CRAMP1: variants seen among roughly 807,000 people sequenced by gnomAD.
The protein encoded by CRAMP1 is protein cramped-like.
Under a neutral mutation model 115.4 loss-of-function variants are expected in CRAMP1, and 50 were observed. The observed-to-expected ratio is 0.43, with a 90% CI of 0.35 to 0.55. The LOEUF is 0.55. CRAMP1 is among the 20% of genes least tolerant of loss of function. CRAMP1 has a pLI of 0.01. For missense variants in CRAMP1, 1,679 were observed against 1,721.7 expected (o/e 0.98, Z 0.44); for synonymous variants, 866 against 745.4 (o/e 1.16, Z -2.64).
Position 1,670,726 on chromosome 16 carries a change from G to A in CRAMP1, c.3562G>A (p.Gly1188Ser), listed in dbSNP as rs1268568834. The change falls in exon 20 of 21, where the codon GGC (glycine) becomes AGC (serine). Residue 1188 changes from glycine (G) to serine (S), a missense_variant. Around this residue, in one of 8 missense-constraint regions of CRAMP1, gnomAD observed 709 missense variants for 741.9 expected, o/e 0.96. Transcript: ENST00000397412. ...GCCGACTCCCATTGGGACCAACAGT[G>A]GCACTTCCTTGCTTGGCCCCAGCTT... ...MLPTPIGTNS[G>S]TSLLGPSLLD... 1 of 1,613,994 alleles carries A rather than the reference G, an allele frequency of 6.2e-7. No homozygotes were observed. Among genetic ancestry groups the A allele is most frequent in the South Asian group, 1.1e-5 (1 of 91,084 alleles).
Position 1,656,229 on chromosome 16 carries a change from C to G in CRAMP1, c.1472C>G (p.Pro491Arg). The G allele has an allele frequency of 6.2e-7, 1 of 1,607,756 alleles. No homozygotes were observed. Among genetic ancestry groups the G allele is most frequent in the South Asian group, 1.1e-5 (1 of 90,868 alleles). ...DALQSSGESSPESAPGEGAAL... is the reference protein window; with the variant it reads ...DALQSSGESSRESAPGEGAAL... ...TTGCAGAGCTCCGGAGAGAGTTCCC[C>G]CGAAAGCGCCCCCGGGGAGGGGGCT... The change falls in exon 10 of 21, where the codon CCC (proline) becomes CGC (arginine). Residue 491 changes from proline to arginine, a missense_variant. By Grantham distance (103) the Pro-to-Arg change is moderately radical. Transcript: ENST00000397412. The surrounding 1 kb of genome is among the most constrained non-coding windows in gnomAD (Gnocchi z 5.6).
At chr16:1,618,682 A>G (rs1190679819) in intron 2 of CRAMP1, among the ~76,000 whole-genome samples, 1 of 152,210 alleles carries the variant, frequency 6.6e-6, no homozygotes, top group Non-Finnish European at 1.5e-5. Context: ...TATATTTTGT[A>G]TAATCTGTGG....
chr16:1,669,284 T>G lies in CRAMP1; in HGVS notation c.3499+119T>G, dbSNP rs2036902557. On this transcript the variant is annotated intron_variant, in intron 19 of 20. Transcript: ENST00000397412. This position sits in a 1 kb window ranked among gnomAD's most constrained non-coding sequence, Gnocchi z 4.6. ...CTAGGACTGTTGGCTTGTTCGCTTC[T>G]CAAGTGTTTGTATTTTTCTGAGTTA... 9 of 765,032 alleles carry G rather than the reference T, an allele frequency of 1.2e-5. No individual in the cohort carries two copies. Among genetic ancestry groups the G allele is most frequent in the African/African-American group, 1.8e-5 (1 of 55,174 alleles). The allele number at this position is 765,032 out of a possible 1,614,324, so 47.4% of individuals were successfully genotyped here.
chr16:1,621,291 G>A (rs1009457882), intron 2 of CRAMP1, among the ~76,000 whole-genome samples: 1 of 152,262 alleles, frequency 6.6e-6, no homozygotes, highest in Non-Finnish European at 1.5e-5. Flanking sequence ...GCTAGGTAGA[G>A]GGGCCAGCAG....
At position 1,656,297 on chromosome 16, in the gene CRAMP1, C is replaced by T. The variant is rs1439886053; in HGVS notation, c.1540C>T (p.Pro514Ser). 6.2e-7 allele frequency: 1 copy of T among 1,611,982 alleles called. No homozygotes were observed. Among genetic ancestry groups the T allele is most frequent in the Non-Finnish European group, 8.5e-7 (1 of 1,179,646 alleles). Residue 514 changes from proline (P) to serine (S), a missense_variant, in exon 10 of 21, where the codon CCC becomes TCC. Transcript: ENST00000397412. This position sits in a 1 kb window ranked among gnomAD's most constrained non-coding sequence, Gnocchi z 5.6. ...SSPDAPDRPP[P>S]RHQDTGPCLE... ...CCCGGACGCTCCTGACAGGCCTCCT[C>T]CCAGGCACCAGGACACTGGGCCATG...
intron 3 of CRAMP1, among the ~76,000 whole-genome samples, chr16:1,631,218 GT>G (rs778582151): frequency 5.9e-5 from 9 of 152,206 alleles, no homozygotes; most frequent in Admixed American, 1.3e-4. Context: ...CAGTTATTCT[GT>G]TACCTACACC....
In CRAMP1 at chr16:1,629,667, C is replaced by T. The variant is rs998638168; in HGVS notation, c.541-2545C>T. On this transcript the variant is annotated intron_variant, in intron 3 of 20. Transcript: ENST00000397412. ...TGCAGAGGCCGTCAAGTTGCTTCATCGTGGTTCTTGCCGAGGCCCAGGGAG... is the reference window on the plus strand; with the variant it reads ...TGCAGAGGCCGTCAAGTTGCTTCATTGTGGTTCTTGCCGAGGCCCAGGGAG... Among the ~76,000 whole-genome samples the T allele has an allele frequency of 3.3e-5, 5 of 152,184 alleles. No homozygotes were observed. In the East Asian group the frequency reaches 5.8e-4, roughly 18 times the overall value.
chr16:1,665,890 C>T (rs2076417), intron 14 of CRAMP1, 183 bp from the exon 15 acceptor site: 79,103 of 589,206 alleles, frequency 0.13, 7,699 homozygotes, highest in African/African-American at 0.31. Context: ...GCTTGTGTCA[C>T]GTTGGGGGCC....
chr16:1,622,405 C>T (rs952802155), intron 2 of CRAMP1, among the ~76,000 whole-genome samples: 3 of 152,100 alleles, frequency 2.0e-5, no homozygotes, highest in South Asian at 2.1e-4. Context: ...CCCAGCTACT[C>T]GAGAGGCTGG....
chr16:1,619,481 C>T (rs2036448654), intron 2 of CRAMP1, among the ~76,000 whole-genome samples: 1 of 152,136 alleles, frequency 6.6e-6, no homozygotes. Context: ...GCGCCCGGCA[C>T]AACAGCGTTT....
At chr16:1,660,930 A>G (rs2036823504) in intron 11 of CRAMP1, among the ~76,000 whole-genome samples, 1 of 152,002 alleles carries the variant, frequency 6.6e-6, no homozygotes. Flanking sequence ...AATCACTTGA[A>G]CCCGGAAGGC....
rs750911902 is a variant in CRAMP1, at chr16:1,667,981, T to C, written c.3122T>C (p.Leu1041Ser). 1 of 1,611,258 alleles carries C rather than the reference T, an allele frequency of 6.2e-7. No homozygotes were observed. The highest frequency in any genetic ancestry group is 8.5e-7 in the Non-Finnish European group (1 of 1,178,380). The change falls in exon 18 of 21, where the codon TTA (leucine) becomes TCA (serine). Residue 1041 changes from leucine (L) to serine (S), a missense_variant. Physicochemically the swap from Leu to Ser is moderately radical, Grantham distance 145. This residue lies in a region of CRAMP1 where 709 missense variants were observed against 741.9 expected (regional missense o/e 0.96). Coordinates refer to ENST00000397412, the MANE Select transcript of CRAMP1 (RefSeq NM_020825.4). ...DSFQGSSVLS[L>S]SELPKAPLQN... ...CAGCAGGGCTCATCTGTTCTCTCCT[T>C]ATCTGAGCTGCCCAAGGCCCCTCTC...
In CRAMP1 at chr16:1,666,266, A is replaced by G. The variant is rs1460486937; in HGVS notation, c.2857+89A>G. The G allele has an allele frequency of 8.3e-6, 10 of 1,198,474 alleles. No homozygotes were observed. The highest frequency in any genetic ancestry group is 9.7e-6 in the Non-Finnish European group (8 of 827,966). The allele number at this position is 1,198,474 out of a possible 1,614,324, so 74.2% of individuals were successfully genotyped here. ...GGTTTTTTGAATGTTTTCTTCTCCA[A>G]ATCATAATGTCTCATTACCCTTCAC... On this transcript the variant is annotated intron_variant, in intron 15 of 20. Transcript: ENST00000397412. The surrounding 1 kb of genome is among the most constrained non-coding windows in gnomAD (Gnocchi z 5.0).
At position 1,656,681 on chromosome 16, in the gene CRAMP1, G is replaced by T; in HGVS notation, c.1924G>T (p.Glu642Ter). 1 of 1,567,632 alleles carries T rather than the reference G, an allele frequency of 6.4e-7. No individual in the cohort carries two copies. Among genetic ancestry groups the T allele is most frequent in the Non-Finnish European group, 8.6e-7 (1 of 1,157,442 alleles). Residue 642 changes from glutamate (E) to a stop codon, truncating the protein, a stop_gained, in exon 10 of 21, where the codon GAG becomes TAG. Coordinates refer to ENST00000397412, the MANE Select transcript of CRAMP1 (RefSeq NM_020825.4). LOFTEE classifies it high-confidence loss of function. This position sits in a 1 kb window ranked among gnomAD's most constrained non-coding sequence, Gnocchi z 5.6. ...AGATGCACCTGCGGAGGAGCTCCAGGAGAAGGGGAGCCCCGCGGGGCCTCC... is the reference window on the plus strand; with the variant it reads ...AGATGCACCTGCGGAGGAGCTCCAGTAGAAGGGGAGCCCCGCGGGGCCTCC... ...LADAPAEELQ[E>*]KGSPAGPPPS...
At chr16:1,658,018 C>G (rs567158463) in intron 10 of CRAMP1, among the ~76,000 whole-genome samples, 1 of 152,348 alleles carries the variant, frequency 6.6e-6, no homozygotes, top group African/African-American at 2.4e-5. Flanking sequence ...ACCCACTGCT[C>G]CACACAGGCC....
intron 8 of CRAMP1, 151 bp from the exon 9 acceptor site, chr16:1,655,068 C>T (rs1882205986): frequency 1.5e-6 from 1 of 648,198 alleles, no homozygotes; most frequent in South Asian, 1.8e-5. Context: ...CCACAGGAGC[C>T]AAGGGCCCTG....
intron 2 of CRAMP1, 69 bp downstream of exon 2, chr16:1,615,054 C>T (rs994393222): frequency 3.1e-6 from 3 of 979,884 alleles, no homozygotes; most frequent in Non-Finnish European, 4.0e-6. Context: ...AGAGGAACCC[C>T]TCGCCCCAGC....
In CRAMP1 at chr16:1,656,314, T is replaced by G. The variant is rs1295133322; in HGVS notation, c.1557T>G (p.Thr519=). The G allele has an allele frequency of 6.2e-7, 1 of 1,611,792 alleles. No homozygotes were observed. Among genetic ancestry groups the G allele is most frequent in the Non-Finnish European group, 8.5e-7 (1 of 1,179,524 alleles). Residue 519 remains threonine (T), a synonymous_variant, in exon 10 of 21, where the codon ACT becomes ACG. Transcript: ENST00000397412. This position sits in a 1 kb window ranked among gnomAD's most constrained non-coding sequence, Gnocchi z 5.6. ...PDRPPPRHQD[T]GPCLEKTPAE... is the part of the protein sequence containing the mutation. Reference sequence around the variant, plus strand: ...GGCCTCCTCCCAGGCACCAGGACACTGGGCCATGTCTTGAGAAGACCCCTG... The same window carrying G: ...GGCCTCCTCCCAGGCACCAGGACACGGGGCCATGTCTTGAGAAGACCCCTG...
At chr16:1,641,725 C>G (rs1308052181) in intron 6 of CRAMP1, among the ~76,000 whole-genome samples, 1 of 152,212 alleles carries the variant, frequency 6.6e-6, no homozygotes, top group African/African-American at 2.4e-5. Flanking sequence ...GACATCTGCC[C>G]AGTTGCTGCT....
Sources: allele counts gnomAD v4.1 joint callset (sites outside exome capture counted in the v4.1 genomes callset), GRCh38; gene constraint gnomAD v4.1.1; regional missense constraint gnomAD v4.1.1; non-coding constraint Gnocchi (gnomAD v3.1); transcripts MANE v1.5; gene names NCBI Gene and HGNC (gene_info 2026-07-23, HGNC 2026-07-21).